Variants in SLC20A2 observed in about 807,000 individuals in gnomAD.
The protein encoded by SLC20A2 is solute carrier family 20 member 2.
Under a neutral mutation model 61.0 loss-of-function variants are expected in SLC20A2, and 30 were observed. That is an observed-to-expected ratio of 0.49 (90% confidence interval 0.37 to 0.67). SLC20A2 has a LOEUF of 0.67. SLC20A2 is among the 30% of genes least tolerant of loss of function. SLC20A2 has a pLI of 0.00. For missense variants in SLC20A2, 626 were observed against 866.4 expected (o/e 0.72, Z 3.48); for synonymous variants, 351 against 353.3 (o/e 0.99, Z 0.07).
intron 5 of SLC20A2, among the ~76,000 whole-genome samples, chr8:42,457,483 CTTT>C (rs35136224): frequency 7.0e-6 from 1 of 143,494 alleles, no homozygotes. Flanking sequence ...AGTATTTAAA[CTTT>C]TTTTTTTTTT....
At chr8:42,469,361 C>G (rs1056162162) in intron 2 of SLC20A2, among the ~76,000 whole-genome samples, 1 of 151,216 alleles carries the variant, frequency 6.6e-6, no homozygotes, top group African/African-American at 2.4e-5. Context: ...CCAAAGCAAA[C>G]AAAATCAAGT....
intron 1 of SLC20A2, among the ~76,000 whole-genome samples, chr8:42,527,888 A>G (rs1812077499): frequency 6.6e-6 from 1 of 152,238 alleles, no homozygotes; most frequent in Non-Finnish European, 1.5e-5. Context: ...GCCTATTATA[A>G]ATCTATTTGT....
intron 1 of SLC20A2, among the ~76,000 whole-genome samples, chr8:42,513,416 A>G (rs2131379038): frequency 6.6e-6 from 1 of 152,294 alleles, no homozygotes; most frequent in Middle Eastern, 3.4e-3. Context: ...CAGACAGTCA[A>G]TGTTTGGGGG....
intron 1 of SLC20A2, among the ~76,000 whole-genome samples, chr8:42,480,017 G>A (rs1224168054): frequency 6.6e-6 from 1 of 152,184 alleles, no homozygotes; most frequent in Non-Finnish European, 1.5e-5. Flanking sequence ...GATGTGGACT[G>A]TAGTGTCATT....
intron 1 of SLC20A2, among the ~76,000 whole-genome samples, chr8:42,510,243 C>T (rs1462587491): frequency 6.6e-6 from 1 of 152,078 alleles, no homozygotes; most frequent in East Asian, 1.9e-4. Flanking sequence ...TGAAAATATT[C>T]GACTATGTTG....
chr8:42,446,488 C>T (rs1282861252), intron 5 of SLC20A2, among the ~76,000 whole-genome samples: 1 of 146,834 alleles, frequency 6.8e-6, no homozygotes, highest in East Asian at 1.9e-4. Context: ...ATTTGTAGAA[C>T]AACTAATATA....
At position 42,437,097 on chromosome 8, in the gene SLC20A2, T is replaced by A. The variant is rs1456893360; in HGVS notation, c.1415A>T (p.Glu472Val). 6.2e-7 allele frequency: 1 copy of A among 1,614,054 alleles called. No homozygotes were observed. Among genetic ancestry groups the A allele is most frequent in the Non-Finnish European group, 8.5e-7 (1 of 1,180,046 alleles). Residue 472 changes from glutamate to valine, a missense_variant, in exon 8 of 11, where the codon GAG becomes GTG. By Grantham distance (121) the Glu-to-Val change is moderately radical. This residue lies in a region of SLC20A2 where 361 missense variants were observed against 422.3 expected (regional missense o/e 0.85). Transcript: ENST00000520262. The surrounding 1 kb of genome is among the most constrained non-coding windows in gnomAD (Gnocchi z 6.4). The stretch of plus-strand genomic sequence containing the variant: ...TGCGTCCTTCTCCTCCTTCTCCTCC[T>A]CTGCAGGGTCCTCTCGCGGCTGGTC... ...DPDQPREDPA[E>V]EEKEEKDAPE... is the part of the protein sequence containing the mutation.
At chr8:42,526,565 C>T (rs537601366) in intron 1 of SLC20A2, among the ~76,000 whole-genome samples, 6 of 150,726 alleles carry the variant, frequency 4.0e-5, no homozygotes, top group South Asian at 2.1e-4. Context: ...CTCAGCTACT[C>T]GGGAGGCTGA....
chr8:42,488,513 A>G, intron 1 of SLC20A2, among the ~76,000 whole-genome samples: 1 of 152,088 alleles, frequency 6.6e-6, no homozygotes, highest in East Asian at 1.9e-4. Context: ...AAATGGGTAT[A>G]CAAATATCTT....
At chr8:42,439,027 T>C (rs1804557241) in intron 7 of SLC20A2, among the ~76,000 whole-genome samples, 1 of 152,164 alleles carries the variant, frequency 6.6e-6, no homozygotes, top group Non-Finnish European at 1.5e-5. Context: ...AGTCTGGACA[T>C]TTTCTAAGGT....
intron 1 of SLC20A2, among the ~76,000 whole-genome samples, chr8:42,532,988 C>A (rs1045612398): frequency 6.6e-6 from 1 of 152,038 alleles, no homozygotes; most frequent in African/African-American, 2.4e-5. Flanking sequence ...ATAAGAAATT[C>A]TGGACCGAAG....
intron 1 of SLC20A2, among the ~76,000 whole-genome samples, chr8:42,477,272 C>T (rs1477488966): frequency 6.6e-6 from 1 of 152,090 alleles, no homozygotes; most frequent in Non-Finnish European, 1.5e-5. Flanking sequence ...GCTGTAGTCA[C>T]AGGAAGAATA....
intron 1 of SLC20A2, chr8:42,541,036 T>G (rs185392475): frequency 6.6e-6 from 1 of 152,056 alleles, no homozygotes; most frequent in East Asian, 1.9e-4. Context: ...TTCTTAAGAG[T>G]ACACGTGAAT....
At chr8:42,429,723 C>G (rs896255694) in intron 9 of SLC20A2, among the ~76,000 whole-genome samples, 1 of 152,112 alleles carries the variant, frequency 6.6e-6, no homozygotes, top group African/African-American at 2.4e-5. Context: ...AGCCCAGGGG[C>G]CTGTTTAAGT....
At chr8:42,445,061 G>A (rs1805100928) in intron 5 of SLC20A2, among the ~76,000 whole-genome samples, 1 of 152,222 alleles carries the variant, frequency 6.6e-6, no homozygotes, top group Non-Finnish European at 1.5e-5. Flanking sequence ...GGAGGCCAAG[G>A]TGGGAGGATC....
intron 1 of SLC20A2, among the ~76,000 whole-genome samples, chr8:42,478,656 G>A (rs751495177): frequency 1.3e-5 from 2 of 152,098 alleles, no homozygotes; most frequent in African/African-American, 2.4e-5. Context: ...GGTGGTGGCT[G>A]TATTACTGCA....
At chr8:42,457,391 T>A (rs1317820584) in intron 5 of SLC20A2, among the ~76,000 whole-genome samples, 2 of 152,182 alleles carry the variant, frequency 1.3e-5, no homozygotes, top group African/African-American at 4.8e-5. Flanking sequence ...CTTTGCTTCC[T>A]GCTTTCCTAG....
rs551736703 is a variant in SLC20A2, at chr8:42,447,471, A to T, written c.614-2709T>A. Among the ~76,000 whole-genome samples the T allele has an allele frequency of 1.4e-4, 21 of 152,206 alleles. 1 individual carries two copies. Among genetic ancestry groups the T allele is most frequent in the Middle Eastern group, 3.4e-3 (1 of 292 alleles). On this transcript the variant is annotated intron_variant, in intron 5 of 10. Transcript: ENST00000520262. ...GGCGGGCAGATCACAAGGTCAGGAGATGGAGACCATCCTGGCTAACACGGT... is the reference window on the plus strand; with the variant it reads ...GGCGGGCAGATCACAAGGTCAGGAGTTGGAGACCATCCTGGCTAACACGGT...
chr8:42,419,686 C>A, intron 10 of SLC20A2: 2 of 970,120 alleles, frequency 2.1e-6, no homozygotes, highest in South Asian at 4.8e-5. Flanking sequence ...TACATAATGA[C>A]AAATAGTTTT....
Sources: allele counts gnomAD v4.1 joint callset (sites outside exome capture counted in the v4.1 genomes callset), GRCh38; gene constraint gnomAD v4.1.1; regional missense constraint gnomAD v4.1.1; non-coding constraint Gnocchi (gnomAD v3.1); transcripts MANE v1.5; gene names NCBI Gene and HGNC (gene_info 2026-07-23, HGNC 2026-07-21).